Variants in BRME1 observed in about 807,000 individuals in gnomAD.
The protein encoded by BRME1 is break repair meiotic recombinase recruitment factor 1.
BRME1 carries 31 observed loss-of-function variants against 52.6 expected under a neutral mutation model. That is an observed-to-expected ratio of 0.59 (90% CI 0.44 to 0.80). The LOEUF is 0.80. Among genes scored for constraint, BRME1 ranks in the 30% least tolerant of loss-of-function variants. BRME1 has a pLI of 0.00. For missense variants in BRME1, 804 were observed against 860.3 expected (o/e 0.93, Z 0.82); for synonymous variants, 359 against 353.6 (o/e 1.02, Z -0.17).
chr19:13,882,866 A>C lies in BRME1; in HGVS notation c.1943T>G (p.Leu648Arg). 1 of 1,613,850 alleles carries C rather than the reference A, an allele frequency of 6.2e-7. No individual in the cohort carries two copies. Reference protein sequence around the residue: ...RKTKLGGKAPLPYPSKGPGNI... With the variant: ...RKTKLGGKAPRPYPSKGPGNI... ...CCCAGGCCCCTTGGAAGGGTAAGGC[A>C]GGGGGGCTTTGCCTCCCAGCTTTGT... Residue 648 changes from leucine (L) to arginine (R), a missense_variant, in exon 9 of 9, where the codon CTG becomes CGG. Physicochemically the swap from Leu to Arg is moderately radical, Grantham distance 102 (BLOSUM62 -2). This residue lies in a region of BRME1 where 552 missense variants were observed against 561.1 expected (regional missense o/e 0.98). Coordinates refer to ENST00000586783, the MANE Select transcript of BRME1 (RefSeq NM_001345843.2).
intron 1 of BRME1, among the ~76,000 whole-genome samples, chr19:13,905,281 T>C (rs1252954117): frequency 2.0e-5 from 3 of 152,006 alleles, no homozygotes; most frequent in South Asian, 2.1e-4. Context: ...CCAAGGACAC[T>C]TGAGGACTCT....
At chr19:13,892,979 CT>C in intron 4 of BRME1, 89 bp from the exon 5 acceptor site, 1 of 1,400,422 alleles carries the variant, frequency 7.1e-7, no homozygotes, top group African/African-American at 1.4e-5. Flanking sequence ...CTGCTCCTTT[CT>C]TGTAGCCTTG....
intron 4 of BRME1, 93 bp from the exon 5 acceptor site, chr19:13,892,983 T>G: frequency 7.2e-7 from 1 of 1,393,310 alleles, no homozygotes; most frequent in Non-Finnish European, 1.0e-6. Flanking sequence ...TCCTTTCTTG[T>G]AGCCTTGAGA....
At position 13,889,412 on chromosome 19, in the gene BRME1, C is replaced by G; in HGVS notation, c.1444G>C (p.Val482Leu). Residue 482 changes from valine to leucine, a missense_variant, in exon 6 of 9, where the codon GTG (valine) becomes CTG (leucine). Physicochemically the swap from Val to Leu is conservative, Grantham distance 32 (BLOSUM62 1). This residue lies in a region of BRME1 where 552 missense variants were observed against 561.1 expected (regional missense o/e 0.98). Coordinates refer to ENST00000586783, the MANE Select transcript of BRME1 (RefSeq NM_001345843.2). ...GFRVSPQASVVLEHREIADDP... is the reference protein window; with the variant it reads ...GFRVSPQASVLLEHREIADDP... ...TCTGCTATTTCTCTGTGTTCCAGCA[C>G]AACAGAGGCTTGCGGGGACACACGG... 6.2e-7 allele frequency: 1 copy of G among 1,614,042 alleles called. No individual in the cohort carries two copies. Among genetic ancestry groups the G allele is most frequent in the East Asian group, 2.2e-5 (1 of 44,874 alleles).
chr19:13,882,865 C>T lies in BRME1; in HGVS notation c.1944G>A (p.Leu648=), dbSNP rs1568369005. 1 of 1,614,016 alleles carries T rather than the reference C, an allele frequency of 6.2e-7. No homozygotes were observed. The highest frequency in any genetic ancestry group is 8.5e-7 in the Non-Finnish European group (1 of 1,179,988). ...RKTKLGGKAP[L]PYPSKGPGNI... ...TCCCAGGCCCCTTGGAAGGGTAAGGCAGGGGGGCTTTGCCTCCCAGCTTTG... is the reference window on the plus strand; with the variant it reads ...TCCCAGGCCCCTTGGAAGGGTAAGGTAGGGGGGCTTTGCCTCCCAGCTTTG... The change falls in exon 9 of 9, where the codon CTG becomes CTA. Residue 648 remains leucine (L), a synonymous_variant. Coordinates refer to ENST00000586783, the MANE Select transcript of BRME1 (RefSeq NM_001345843.2).
rs547301445 is a variant in BRME1 at position 13,902,221 on chromosome 19, C to T, written c.31+2641G>A. On this transcript the variant is annotated intron_variant, in intron 2 of 8. Transcript: ENST00000586783. Reference sequence around the variant, plus strand: ...GAGCGTGGTGGCAGACACCTGTAATCCCAGCTACTCAGGAGGCTGATGCAA... The same window carrying T: ...GAGCGTGGTGGCAGACACCTGTAATTCCAGCTACTCAGGAGGCTGATGCAA... 5.9e-5 allele frequency among the ~76,000 whole-genome samples: 9 copies of T among 151,898 alleles called. No individual in the cohort carries two copies. In the South Asian group the frequency reaches 1.9e-3, roughly 32 times the overall value.
At chr19:13,895,175 G>A (rs1279072220) in intron 3 of BRME1, among the ~76,000 whole-genome samples, 197 bp downstream of exon 3, 1 of 152,030 alleles carries the variant, frequency 6.6e-6, no homozygotes, top group African/African-American at 2.4e-5. Flanking sequence ...CACCATGCCC[G>A]GCTAAAACAT....
In BRME1 at chr19:13,895,471, A is replaced by G. The variant is rs1161427985; in HGVS notation, c.107T>C (p.Met36Thr). Residue 36 changes from methionine (M) to threonine (T), a missense_variant, in exon 3 of 9, where the codon ATG becomes ACG. By Grantham distance (81) the Met-to-Thr change is moderately conservative (BLOSUM62 -1). Transcript: ENST00000586783. ...GDFYGDPQSS[M>T]LGCLHHPEEP... ...CTCAGGGTGATGTAAACAGCCCAAC[A>G]TGGAACTCTGGGGGTCCCCATAGAA... 2.5e-6 allele frequency: 4 copies of G among 1,614,116 alleles called. No individual in the cohort carries two copies. The highest frequency in any genetic ancestry group is 2.2e-5 in the South Asian group (2 of 91,080).
Position 13,883,272 on chromosome 19 carries a change from C to T in BRME1, c.1856+36G>A. ...CCTCTGAGTCCCCACTGGCCTCCCG[C>T]AGACCCTGTGCCGTGAGTCCAAGCC... On this transcript the variant is annotated intron_variant, in intron 8 of 8. Transcript: ENST00000586783. This position sits in a 1 kb window ranked among gnomAD's most constrained non-coding sequence, Gnocchi z 4.2. 2.0e-6 allele frequency: 3 copies of T among 1,504,530 alleles called. No individual in the cohort carries two copies. The highest frequency in any genetic ancestry group is 2.7e-6 in the Non-Finnish European group (3 of 1,119,476). 93.2% of individuals were successfully genotyped at this position (1,504,530 alleles called of 1,614,324 possible). A position where few individuals can be genotyped will look rare whatever the true frequency, so the allele number is the denominator to read the frequency against.
chr19:13,890,390 G>T lies in BRME1; in HGVS notation c.466C>A (p.Gln156Lys). The change falls in exon 6 of 9, where the codon CAG becomes AAG. Residue 156 changes from glutamine (Q) to lysine (K), a missense_variant. By Grantham distance (53) the Gln-to-Lys change is moderately conservative (BLOSUM62 1). Transcript: ENST00000586783. The part of the protein sequence containing the change: ...LLVETLGVPL[Q>K]EATELGDPTQ... ...GGGTCCCCCAGCTCCGTGGCCTCCT[G>T]GAGGGGGACCCCCAGGGTCTCCACT... 1 of 1,534,634 alleles carries T rather than the reference G, an allele frequency of 6.5e-7. No homozygotes were observed.
intron 2 of BRME1, among the ~76,000 whole-genome samples, chr19:13,896,262 T>C (rs1226019934): frequency 6.6e-6 from 1 of 150,496 alleles, no homozygotes; most frequent in Non-Finnish European, 1.5e-5. Flanking sequence ...AGAGCGAGAC[T>C]CTGTCTCAAA....
chr19:13,883,163 G>A lies in BRME1; in HGVS notation c.1856+145C>T. The A allele has an allele frequency of 3.1e-6, 3 of 962,892 alleles. No homozygotes were observed. Among genetic ancestry groups the A allele is most frequent in the Non-Finnish European group, 1.5e-6 (1 of 653,048 alleles). The allele number at this position is 962,892 out of a possible 1,614,324, so 59.6% of individuals were successfully genotyped here. ...GTGTTCTGCAAAGGACGGGGGAGGG[G>A]GGCCACGGTGAGGACCCAGCAGCAG... On this transcript the variant is annotated intron_variant, in intron 8 of 8. Coordinates refer to ENST00000586783, the MANE Select transcript of BRME1 (RefSeq NM_001345843.2). This position sits in a 1 kb window ranked among gnomAD's most constrained non-coding sequence, Gnocchi z 4.2.
intron 3 of BRME1, 105 bp downstream of exon 3, chr19:13,895,261 CAGCACT>C: frequency 1.7e-6 from 2 of 1,155,566 alleles, no homozygotes; most frequent in South Asian, 3.5e-5. Flanking sequence ...GAGTGGGTCA[CAGCACT>C]AGATAGGTTG....
At position 13,883,972 on chromosome 19, in the gene BRME1, C is replaced by T. The variant is rs1343586821; in HGVS notation, c.1764-572G>A. The stretch of plus-strand genomic sequence containing the variant: ...TCTGACTATCTAATCTGCTGTCTCT[C>T]ATGTCCCCACACCCCGAATCCCCCA... On this transcript the variant is annotated intron_variant, in intron 7 of 8. Transcript: ENST00000586783. The surrounding 1 kb of genome is among the most constrained non-coding windows in gnomAD (Gnocchi z 4.2). Among the ~76,000 whole-genome samples, 1 of 152,120 alleles carries T rather than the reference C, an allele frequency of 6.6e-6. No individual in the cohort carries two copies. The highest frequency in any genetic ancestry group is 1.9e-4 in the East Asian group (1 of 5,194).
intron 4 of BRME1, 61 bp from the exon 5 acceptor site, chr19:13,892,951 A>T: frequency 6.6e-7 from 1 of 1,525,454 alleles, no homozygotes; most frequent in Non-Finnish European, 9.1e-7. Context: ...AGGTCTTAGG[A>T]AAAAAGCAAC....
In BRME1 at chr19:13,883,554, G is replaced by C; in HGVS notation, c.1764-154C>G. The C allele has an allele frequency of 1.6e-6, 1 of 608,654 alleles. No homozygotes were observed. The highest frequency in any genetic ancestry group is 2.9e-6 in the Non-Finnish European group (1 of 344,366). The allele number at this position is 608,654 out of a possible 1,614,324, so 37.7% of individuals were successfully genotyped here. ...CGACAGAACCCTGATGGCCAACCCA[G>C]CTGGCTCCACTGCCCAGCAGGCCCA... On this transcript the variant is annotated intron_variant, in intron 7 of 8. Coordinates refer to ENST00000586783, the MANE Select transcript of BRME1 (RefSeq NM_001345843.2). The surrounding 1 kb of genome is among the most constrained non-coding windows in gnomAD (Gnocchi z 4.2).
rs750371832 is a variant in BRME1 at position 13,892,926 on chromosome 19, GA to G, written c.289-37del. The G allele has an allele frequency of 6.3e-6, 10 of 1,583,382 alleles. No individual in the cohort carries two copies. The African/African-American group carries it at 1.3e-4, about 21-fold the overall frequency. On this transcript the variant is annotated intron_variant, in intron 4 of 8. Coordinates refer to ENST00000586783, the MANE Select transcript of BRME1 (RefSeq NM_001345843.2). ...GATACAAGAACAAAGCAGCAATAAA[GA>G]TAAGAGAGGAATGAGGTCTTAGGAA...
In BRME1 at chr19:13,895,511, G is replaced by T; in HGVS notation, c.67C>A (p.Pro23Thr). ...TCCCCATAGAAGTCTCCTAGCCTTG[G>T]GTTCTTTAGGGGTTTTGGAGGACAG... ...GLCPPKPLKN[P>T]RLGDFYGDPQ... Residue 23 changes from proline to threonine, a missense_variant, in exon 3 of 9, where the codon CCA (proline) becomes ACA (threonine). This residue lies in a region of BRME1 where 234 missense variants were observed against 258.1 expected (regional missense o/e 0.91). Transcript: ENST00000586783. 2 of 1,613,786 alleles carry T rather than the reference G, an allele frequency of 1.2e-6. No homozygotes were observed. The highest frequency in any genetic ancestry group is 1.7e-6 in the Non-Finnish European group (2 of 1,179,840).
In BRME1 at chr19:13,882,812, C is replaced by A. The variant is rs756662584; in HGVS notation, c.1997G>T (p.Arg666Met). The change falls in exon 9 of 9, where the codon AGG (arginine) becomes ATG (methionine). Residue 666 changes from arginine to methionine, a missense_variant. Arg to Met is a moderately conservative substitution (Grantham distance 91, BLOSUM62 -1). Coordinates refer to ENST00000586783, the MANE Select transcript of BRME1 (RefSeq NM_001345843.2). Reference sequence around the variant, plus strand: ...AGACCTCAAAGTGGCCTACAACTCCCTCCAGGGTGGGTCCCCTCGAGGGAT... The same window carrying A: ...AGACCTCAAAGTGGCCTACAACTCCATCCAGGGTGGGTCCCCTCGAGGGAT... The part of the protein sequence containing the change: ...GNIPRGDPPW[R>M]EL 3 of 1,613,948 alleles carry A rather than the reference C, an allele frequency of 1.9e-6. No homozygotes were observed. The South Asian group carries it at 3.3e-5, about 18-fold the overall frequency.
Sources: gnomAD v4.1 joint callset for allele counts (sites outside exome capture counted in the v4.1 genomes callset) on GRCh38, gnomAD v4.1.1 for gene constraint, gnomAD v4.1.1 regional missense constraint, Gnocchi (gnomAD v3.1) non-coding constraint, MANE v1.5 for transcripts, NCBI Gene and HGNC (gene_info 2026-07-23, HGNC 2026-07-21) for gene names.